Variants in NLGN1 observed in about 807,000 individuals in gnomAD.
NLGN1 encodes the protein neuroligin 1.
In NLGN1, 12 loss-of-function variants were observed where a neutral mutation model predicts 65.5. The ratio of observed to expected loss-of-function variants is 0.18; its 90% confidence interval spans 0.12 to 0.30. The LOEUF (loss-of-function observed/expected upper bound fraction) is 0.30, where lower values mean the gene tolerates loss of function less well. Among genes scored for constraint, NLGN1 ranks in the 10% least tolerant of loss-of-function variants. The probability of loss-of-function intolerance (pLI) is 1.00; values close to 1 mark genes in which losing one functional copy is unlikely to be tolerated. For synonymous variants in NLGN1, 350 were observed against 359.5 expected, an observed-to-expected ratio of 0.97 and a Z score of 0.30; for missense variants, 750 against 1,007.1, an observed-to-expected ratio of 0.74 and a Z score of 3.46.
intron 4 of NLGN1, among the ~76,000 whole-genome samples, chr3:173,967,991 C>T (rs143809785): frequency 2.0e-5 from 3 of 152,122 alleles, no homozygotes; most frequent in Admixed American, 1.3e-4. Context: ...TGGTAGCTGA[C>T]GCGTGTTCCA....
chr3:174,255,749 C>G (rs1745629913), intron 4 of NLGN1, among the ~76,000 whole-genome samples: 1 of 149,770 alleles, frequency 6.7e-6, no homozygotes, highest in Non-Finnish European at 1.5e-5. Context: ...ACCTCTGATT[C>G]CTGGGCTCAA....
intron 2 of NLGN1, among the ~76,000 whole-genome samples, chr3:173,517,766 C>CTATCTA (rs1734056145): frequency 6.7e-6 from 1 of 149,688 alleles, no homozygotes; most frequent in Admixed American, 6.6e-5. Flanking sequence ...ATCTATCTAT[C>CTATCTA]TATCTATCTA....
chr3:173,778,228 C>A (rs1780605759), intron 3 of NLGN1, among the ~76,000 whole-genome samples: 1 of 151,754 alleles, frequency 6.6e-6, no homozygotes, highest in Non-Finnish European at 1.5e-5. Context: ...ATGTCTTGTT[C>A]ATGGCAGCTA....
chr3:173,950,867 T>C (rs1748074361), intron 4 of NLGN1, among the ~76,000 whole-genome samples: 1 of 152,176 alleles, frequency 6.6e-6, no homozygotes, highest in East Asian at 1.9e-4. Context: ...TTTTATTTAT[T>C]TATTTGTTTA....
intron 1 of NLGN1, among the ~76,000 whole-genome samples, chr3:173,415,513 A>G (rs1015063733): frequency 6.6e-6 from 1 of 152,210 alleles, no homozygotes; most frequent in Non-Finnish European, 1.5e-5. Flanking sequence ...AAGTTGACAT[A>G]GGTAAGTTTT....
chr3:173,827,106 A>G (rs1177388167), intron 4 of NLGN1, among the ~76,000 whole-genome samples: 4 of 152,076 alleles, frequency 2.6e-5, no homozygotes, highest in Non-Finnish European at 5.9e-5. Context: ...ACATTCCAAG[A>G]TCTGATCTGG....
chr3:173,404,611 T>C (rs748268209), intron 1 of NLGN1, among the ~76,000 whole-genome samples: 3 of 152,150 alleles, frequency 2.0e-5, no homozygotes, highest in Admixed American at 1.3e-4. Flanking sequence ...TAAATAGATC[T>C]ATATTGTGGT....
intron 4 of NLGN1, among the ~76,000 whole-genome samples, chr3:173,904,764 C>T (rs958751567): frequency 6.6e-6 from 1 of 152,140 alleles, no homozygotes; most frequent in Non-Finnish European, 1.5e-5. Context: ...TATGATTCTG[C>T]TTGCTGGTCA....
chr3:173,819,864 T>C (rs1719868438), intron 4 of NLGN1, among the ~76,000 whole-genome samples: 1 of 152,228 alleles, frequency 6.6e-6, no homozygotes, highest in Non-Finnish European at 1.5e-5. Context: ...TCTCAGGATA[T>C]GCATTTCTAG....
chr3:173,804,657 C>CA (rs34786560), intron 3 of NLGN1, among the ~76,000 whole-genome samples: 91,616 of 137,854 alleles, frequency 0.66, 30,340 homozygotes, highest in Non-Finnish European at 0.72. Context: ...CTATTTACAT[C>CA]AAAAAAAAAA....
chr3:173,664,321 A>T (rs541798439), intron 3 of NLGN1, among the ~76,000 whole-genome samples: 1 of 152,242 alleles, frequency 6.6e-6, no homozygotes, highest in Admixed American at 6.5e-5. Context: ...ACATTTATTT[A>T]GAACAGATTG....
At chr3:173,989,341 G>A (rs1371198206) in intron 4 of NLGN1, among the ~76,000 whole-genome samples, 1 of 152,122 alleles carries the variant, frequency 6.6e-6, no homozygotes, top group Non-Finnish European at 1.5e-5. Flanking sequence ...CCACTATAAA[G>A]ATAACTTTGA....
intron 4 of NLGN1, among the ~76,000 whole-genome samples, chr3:174,239,162 G>A (rs183583621): frequency 3.9e-3 from 599 of 151,840 alleles, no homozygotes; most frequent in African/African-American, 7.7e-3. Flanking sequence ...TCCGCCTCCC[G>A]GGTTCAAGTG....
intron 4 of NLGN1, among the ~76,000 whole-genome samples, chr3:174,120,397 C>T (rs1379757193): frequency 1.3e-5 from 2 of 151,846 alleles, no homozygotes; most frequent in Non-Finnish European, 2.9e-5. Context: ...ATCCCACCTA[C>T]TTGGGAGGCT....
At chr3:174,230,653 A>G (rs1202678602) in intron 4 of NLGN1, among the ~76,000 whole-genome samples, 1 of 152,194 alleles carries the variant, frequency 6.6e-6, no homozygotes, top group East Asian at 1.9e-4. Context: ...ATAGCCTGGC[A>G]TGGTGACACA....
intron 2 of NLGN1, among the ~76,000 whole-genome samples, chr3:173,542,725 C>T (rs1739103586): frequency 1.3e-5 from 2 of 151,858 alleles, no homozygotes; most frequent in Non-Finnish European, 1.5e-5. Flanking sequence ...TCATTCTAAC[C>T]CCTGTCTCAT....
rs114283297 is a variant in NLGN1 at position 173,825,211 on chromosome 3, G to C, written c.646+17379G>C. Among the ~76,000 whole-genome samples, 1,103 of 152,110 alleles carry C rather than the reference G, an allele frequency of 7.3e-3. 14 individuals are homozygous for C. Among genetic ancestry groups the C allele is most frequent in the African/African-American group, 0.025 (1,047 of 41,516 alleles). ...AAATTTTTGGCTATGACACTCTGCT[G>C]AAAGGGATTGAGAAAGCTTTTGAGC... On this transcript the variant is annotated intron_variant, in intron 4 of 6. Transcript: ENST00000457714.
chr3:173,854,047 C>T lies in NLGN1; in HGVS notation c.646+46215C>T, dbSNP rs143375560. Among the ~76,000 whole-genome samples the T allele has an allele frequency of 2.0e-5, 3 of 152,006 alleles. No homozygotes were observed. The East Asian group carries it at 5.8e-4, about 29-fold the overall frequency. On this transcript the variant is annotated intron_variant, in intron 4 of 6. Coordinates refer to ENST00000457714, the Ensembl canonical transcript of NLGN1. ...TCAAACATTAAGAAATCTTAAAAAT[C>T]GTAACTAAACTCTTAAAATTCAAAC...
At chr3:173,660,390 T>C (rs1478187782) in intron 3 of NLGN1, among the ~76,000 whole-genome samples, 3 of 151,768 alleles carry the variant, frequency 2.0e-5, no homozygotes, top group Non-Finnish European at 4.4e-5. Context: ...AAAAACATAC[T>C]TAGAAGTCAA....
Sources: allele counts gnomAD v4.1 joint callset (sites outside exome capture counted in the v4.1 genomes callset), GRCh38; gene constraint gnomAD v4.1.1; transcripts MANE v1.5; gene names NCBI Gene and HGNC (gene_info 2026-07-23, HGNC 2026-07-21).